Variants in METTL6 observed in about 807,000 individuals in gnomAD.
METTL6 encodes the protein tRNA N(3)-cytidine methyltransferase METTL6.
In METTL6, 22 loss-of-function variants were observed where a neutral mutation model predicts 26.4. That is an observed-to-expected ratio of 0.83 (90% CI 0.59 to 1.19). METTL6 has a LOEUF of 1.19. Among genes scored for constraint, METTL6 ranks in the 50% most tolerant of loss-of-function variants. The pLI, the probability that METTL6 is intolerant of heterozygous loss-of-function variation, is 0.00. For synonymous variants in METTL6, 109 were observed against 116.2 expected, an observed-to-expected ratio of 0.94 and a Z score of 0.40; for missense variants, 304 against 324.8, an observed-to-expected ratio of 0.94 and a Z score of 0.49.
chr3:15,411,291 A>G lies in METTL6; in HGVS notation c.820T>C (p.Ser274Pro). The change falls in exon 6 of 6, where the codon TCT (serine) becomes CCT (proline). Residue 274 changes from serine to proline, a missense_variant. By Grantham distance (74) the Ser-to-Pro change is moderately conservative. Coordinates refer to ENST00000383790, the MANE Select transcript of METTL6 (RefSeq NM_152396.4). Reference sequence around the variant, plus strand: ...GGATCCAGGCCCAGGACCACAGGAGATGGGTTCTTAGGAGGCTTTAGAAAT... The same window carrying G: ...GGATCCAGGCCCAGGACCACAGGAGGTGGGTTCTTAGGAGGCTTTAGAAAT... ...SKFLKPPKNP[S>P]PVVLGLDPKS 1.2e-6 allele frequency: 2 copies of G among 1,614,152 alleles called. No individual in the cohort carries two copies. Among genetic ancestry groups the G allele is most frequent in the Non-Finnish European group, 1.7e-6 (2 of 1,180,020 alleles).
intron 6 of METTL6, among the ~76,000 whole-genome samples, chr3:15,403,513 C>T (rs1290061677): frequency 6.6e-6 from 1 of 152,174 alleles, no homozygotes; most frequent in Middle Eastern, 3.2e-3. Context: ...ATGACAGTGA[C>T]AGTTATGGCA....
intron 3 of METTL6, among the ~76,000 whole-genome samples, chr3:15,424,289 G>A (rs1399622493): frequency 6.6e-6 from 1 of 152,164 alleles, no homozygotes; most frequent in African/African-American, 2.4e-5. Context: ...TTTATTTAAA[G>A]ACAGTCTTGC....
intron 6 of METTL6, among the ~76,000 whole-genome samples, chr3:15,394,173 G>A (rs1037167296): frequency 6.6e-6 from 1 of 152,168 alleles, no homozygotes; most frequent in Non-Finnish European, 1.5e-5. Flanking sequence ...CTCAATTTCA[G>A]ATCCTGTTAT....
At chr3:15,408,464 G>T (rs1257717750), downstream of METTL6, among the ~76,000 whole-genome samples, 1 of 151,750 alleles carries the variant, frequency 6.6e-6, no homozygotes, top group Non-Finnish European at 1.5e-5. Context: ...AACGAGGAAT[G>T]TGAGGTTCAA....
At chr3:15,401,832 G>C (rs1030951527) in intron 6 of METTL6, among the ~76,000 whole-genome samples, 1 of 152,162 alleles carries the variant, frequency 6.6e-6, no homozygotes, top group Non-Finnish European at 1.5e-5. Context: ...TTTCCAGAAC[G>C]TTCATGAATA....
chr3:15,426,553 C>G lies in METTL6; in HGVS notation c.-42G>C. ...AACACTTAACACAGCTGAAGATTCT[C>G]CATCACCAAATAATATGAATCCACG... On this transcript the variant is annotated 5_prime_UTR_variant, in exon 2 of 6. Transcript: ENST00000383790. 1 of 1,559,688 alleles carries G rather than the reference C, an allele frequency of 6.4e-7. No individual in the cohort carries two copies. Among genetic ancestry groups the G allele is most frequent in the Non-Finnish European group, 8.8e-7 (1 of 1,139,856 alleles).
At chr3:15,426,235 T>C (rs1247410327) in intron 2 of METTL6, 52 bp downstream of exon 2, 8 of 1,561,200 alleles carry the variant, frequency 5.1e-6, no homozygotes, top group Non-Finnish European at 6.2e-6. Context: ...CATGGCACCC[T>C]CTTCACATTT....
chr3:15,401,246 A>T (rs1699634548), intron 6 of METTL6, among the ~76,000 whole-genome samples: 2 of 151,984 alleles, frequency 1.3e-5, no homozygotes, highest in African/African-American at 4.8e-5. Flanking sequence ...TTACCATGTT[A>T]GCCAGGATGG....
chr3:15,408,701 A>C (rs758314202), downstream of METTL6, among the ~76,000 whole-genome samples: 1 of 151,804 alleles, frequency 6.6e-6, no homozygotes, highest in Non-Finnish European at 1.5e-5. Flanking sequence ...CAGTCTCCCA[A>C]GTAGGTGGGA....
At chr3:15,414,951 T>A in intron 4 of METTL6, 1 of 1,132,804 alleles carries the variant, frequency 8.8e-7, no homozygotes, top group Non-Finnish European at 1.1e-6. Flanking sequence ...TTAGAGACAA[T>A]AAATGAAAGT....
At chr3:15,402,500 G>T (rs969352403) in intron 6 of METTL6, among the ~76,000 whole-genome samples, 1 of 152,092 alleles carries the variant, frequency 6.6e-6, no homozygotes. Flanking sequence ...CTGGGAAGCT[G>T]AGGCGGGCAG....
At chr3:15,425,425 A>C (rs1325023994) in intron 2 of METTL6, among the ~76,000 whole-genome samples, 6 of 152,206 alleles carry the variant, frequency 3.9e-5, no homozygotes, top group Admixed American at 2.6e-4. Context: ...TACAATACTA[A>C]TACTTACACT....
At chr3:15,395,016 C>T (rs1159301773) in intron 6 of METTL6, among the ~76,000 whole-genome samples, 2 of 152,286 alleles carry the variant, frequency 1.3e-5, no homozygotes, top group Non-Finnish European at 2.9e-5. Flanking sequence ...TCTATTAGGT[C>T]CACTTGGTGC....
intron 6 of METTL6, among the ~76,000 whole-genome samples, chr3:15,395,687 C>A (rs946163430): frequency 2.0e-5 from 3 of 152,054 alleles, no homozygotes; most frequent in African/African-American, 7.2e-5. Flanking sequence ...TCTTTTAGGG[C>A]AGGCCTGGTG....
chr3:15,417,381 G>C (rs1700252194), intron 3 of METTL6, among the ~76,000 whole-genome samples: 1 of 151,958 alleles, frequency 6.6e-6, no homozygotes, highest in African/African-American at 2.4e-5. Flanking sequence ...CTTGAACCTG[G>C]GAGGCGGAGG....
Position 15,419,228 on chromosome 3 carries a change from A to G in METTL6, c.361-3286T>C, listed in dbSNP as rs73144103. On this transcript the variant is annotated intron_variant, in intron 3 of 5. Transcript: ENST00000383790. ...TGTAAAGCGATGCTGAATAAACTAG[A>G]AGAAATGTTTGCAACATACATACCA... Among the ~76,000 whole-genome samples, 847 of 152,318 alleles carry G rather than the reference A, an allele frequency of 5.6e-3. 7 individuals carry two copies. The highest frequency in any genetic ancestry group is 0.018 in the African/African-American group (761 of 41,580).
At position 15,426,276 on chromosome 3, in the gene METTL6, T is replaced by C. The variant is rs368652669; in HGVS notation, c.225+11A>G. ...GAAGAACAGCTCAGATAAGGCGTAATATTAGCTTACCTCTCTACATGATCT... is the reference window on the plus strand; with the variant it reads ...GAAGAACAGCTCAGATAAGGCGTAACATTAGCTTACCTCTCTACATGATCT... On this transcript the variant is annotated intron_variant, in intron 2 of 5. Coordinates refer to ENST00000383790, the MANE Select transcript of METTL6 (RefSeq NM_152396.4). 8.7e-6 allele frequency: 14 copies of C among 1,611,422 alleles called. No homozygotes were observed. The African/African-American group carries it at 1.7e-4, about 20-fold the overall frequency.
chr3:15,404,918 A>T (rs1699745583), downstream of METTL6, among the ~76,000 whole-genome samples: 1 of 152,194 alleles, frequency 6.6e-6, no homozygotes, highest in East Asian at 1.9e-4. Context: ...TCTGCTCCCC[A>T]ATAGAGAACA....
chr3:15,406,734 C>T (rs950238731), downstream of METTL6, among the ~76,000 whole-genome samples: 3 of 150,778 alleles, frequency 2.0e-5, no homozygotes, highest in African/African-American at 7.3e-5. Context: ...GCAACCGCCA[C>T]CTCCCAGGTT....
Sources: allele counts gnomAD v4.1 joint callset (sites outside exome capture counted in the v4.1 genomes callset), GRCh38; gene constraint gnomAD v4.1.1; transcripts MANE v1.5; gene names NCBI Gene and HGNC (gene_info 2026-07-23, HGNC 2026-07-21).